Variants in SPOCK3 observed in about 807,000 individuals in gnomAD.
SPOCK3 encodes the protein testican-3.
A neutral mutation model predicts 56.6 loss-of-function variants in SPOCK3; 30 were observed. The observed-to-expected ratio is 0.53, with a 90% CI of 0.40 to 0.72. The LOEUF is 0.72. SPOCK3 is among the 30% of genes least tolerant of loss of function. SPOCK3 has a pLI of 0.00. For synonymous variants in SPOCK3, 196 were observed against 183.3 expected (o/e 1.07, Z -0.56); for missense variants, 527 against 530.0 (o/e 0.99, Z 0.06).
chr4:166,742,150 G>A (rs963090732), intron 8 of SPOCK3, 91 bp from the exon 9 acceptor site: 42 of 946,934 alleles, frequency 4.4e-5, no homozygotes, highest in Non-Finnish European at 6.9e-5. Context: ...TAGTCTTTTT[G>A]TGCCTTTGGA....
At chr4:166,974,450 T>C (rs142507193) in intron 4 of SPOCK3, among the ~76,000 whole-genome samples, 65 of 152,318 alleles carry the variant, frequency 4.3e-4, no homozygotes, top group African/African-American at 1.6e-3. Context: ...TATGTGCATA[T>C]TATTTTGCTA....
At chr4:166,870,648 A>T (rs10026881) in intron 6 of SPOCK3, among the ~76,000 whole-genome samples, 91,020 of 151,948 alleles carry the variant, frequency 0.6, 28,253 homozygotes, top group South Asian at 0.72. Flanking sequence ...AAAATTACTT[A>T]GAGCTAAATG....
Position 166,755,979 on chromosome 4 carries a change from G to A in SPOCK3, c.710-1250C>T, listed in dbSNP as rs13102042. On this transcript the variant is annotated intron_variant, in intron 7 of 10. Coordinates refer to ENST00000357545, the MANE Select transcript of SPOCK3 (RefSeq NM_001040159.2). Reference sequence around the variant, plus strand: ...TCTGCATTTCCATCTGAGGTACCGGGTTCATCTCACTAGGGAGTGCCAGAC... The same window carrying A: ...TCTGCATTTCCATCTGAGGTACCGGATTCATCTCACTAGGGAGTGCCAGAC... 8.5e-4 allele frequency among the ~76,000 whole-genome samples: 7 copies of A among 8,272 alleles called. 3 individuals carry two copies. Among genetic ancestry groups the A allele is most frequent in the African/African-American group, 3.2e-3 (7 of 2,192 alleles). 5.4% of individuals were successfully genotyped at this position (8,272 alleles called of 152,430 possible). A position where few individuals can be genotyped will look rare whatever the true frequency, so the allele number is the denominator to read the frequency against.
At chr4:167,202,097 A>G (rs1271262292) in intron 2 of SPOCK3, among the ~76,000 whole-genome samples, 1 of 151,982 alleles carries the variant, frequency 6.6e-6, no homozygotes, top group African/African-American at 2.4e-5. Flanking sequence ...GTTGTTTTAT[A>G]ATTTTAAAAC....
At chr4:166,960,360 A>G (rs1744010959) in intron 4 of SPOCK3, among the ~76,000 whole-genome samples, 1 of 152,172 alleles carries the variant, frequency 6.6e-6, no homozygotes, top group East Asian at 1.9e-4. Flanking sequence ...TGAAATATAG[A>G]AGAAGGAGAA....
rs765171569 is a variant in SPOCK3 at position 167,234,024 on chromosome 4, C to T, written c.150G>A (p.Gln50=). 1 of 1,613,954 alleles carries T rather than the reference C, an allele frequency of 6.2e-7. No individual in the cohort carries two copies. Among genetic ancestry groups the T allele is most frequent in the African/African-American group, 1.3e-5 (1 of 74,920 alleles). The part of the protein sequence containing the change: ...DDKQWLTTIS[Q]YDKEVGQWNK... ...TCCACTGTCCGACTTCCTTGTCATA[C>T]TGAGAGATTGTGGTGAGCCATTGTT... Residue 50 remains glutamine (Q), a synonymous_variant, in exon 2 of 11, where the codon CAG becomes CAA. Transcript: ENST00000357545.
chr4:166,969,661 C>A (rs1036138564), intron 4 of SPOCK3, among the ~76,000 whole-genome samples: 21 of 151,518 alleles, frequency 1.4e-4, no homozygotes, highest in Non-Finnish European at 2.7e-4. Flanking sequence ...CTGAGGTCTC[C>A]CTGCCATGCC....
chr4:167,096,571 A>C (rs1759171613), intron 2 of SPOCK3, among the ~76,000 whole-genome samples: 1 of 151,818 alleles, frequency 6.6e-6, no homozygotes. Context: ...TTTTCCAACT[A>C]ACTGTCTGTT....
At chr4:167,152,932 G>A (rs917552649) in intron 2 of SPOCK3, among the ~76,000 whole-genome samples, 7 of 152,072 alleles carry the variant, frequency 4.6e-5, no homozygotes, top group East Asian at 1.9e-4. Context: ...TAGCATGCAC[G>A]AAAGTGAACT....
chr4:167,074,267 C>T (rs1756966967), intron 2 of SPOCK3, among the ~76,000 whole-genome samples: 1 of 151,876 alleles, frequency 6.6e-6, no homozygotes, highest in Non-Finnish European at 1.5e-5. Context: ...CAGCTTAGAA[C>T]AACAGACATT....
At chr4:167,107,244 A>G (rs1168323742) in intron 2 of SPOCK3, among the ~76,000 whole-genome samples, 2 of 151,978 alleles carry the variant, frequency 1.3e-5, no homozygotes, top group African/African-American at 2.4e-5. Flanking sequence ...ATTAACACAG[A>G]AATCCTCAAC....
At chr4:166,943,264 C>T (rs1741317331) in intron 4 of SPOCK3, among the ~76,000 whole-genome samples, 1 of 152,122 alleles carries the variant, frequency 6.6e-6, no homozygotes, top group South Asian at 2.1e-4. Context: ...GTTTAATGTC[C>T]ACCTATAGGA....
intron 2 of SPOCK3, among the ~76,000 whole-genome samples, chr4:167,129,415 A>G (rs1421600354): frequency 6.6e-6 from 1 of 152,196 alleles, no homozygotes. Flanking sequence ...CTCCAGAATC[A>G]TCTATTTACT....
At position 166,944,219 on chromosome 4, in the gene SPOCK3, T is replaced by C. The variant is rs565751206; in HGVS notation, c.351-31476A>G. ...ACATTCTTCAAAACAGAGAAGTGTC[T>C]CTTTTTTTTTAACCTCAAAGGGAGG... On this transcript the variant is annotated intron_variant, in intron 4 of 10. Transcript: ENST00000357545. Among the ~76,000 whole-genome samples, 6 of 152,274 alleles carry C rather than the reference T, an allele frequency of 3.9e-5. No homozygotes were observed. In the South Asian group the frequency reaches 1.2e-3, roughly 32 times the overall value.
At chr4:167,187,285 T>TC (rs1395507049) in intron 2 of SPOCK3, among the ~76,000 whole-genome samples, 1 of 151,292 alleles carries the variant, frequency 6.6e-6, no homozygotes, top group Non-Finnish European at 1.5e-5. Context: ...TTTTTTTTTT[T>TC]CCACTCTCAA....
At position 166,958,799 on chromosome 4, in the gene SPOCK3, C is replaced by G. The variant is rs539868038; in HGVS notation, c.350+41550G>C. Among the ~76,000 whole-genome samples, 249 of 152,294 alleles carry G rather than the reference C, an allele frequency of 1.6e-3. 5 individuals are homozygous for G. Among genetic ancestry groups the G allele is most frequent in the South Asian group, 0.012 (57 of 4,832 alleles). On this transcript the variant is annotated intron_variant, in intron 4 of 10. Transcript: ENST00000357545. The stretch of plus-strand genomic sequence containing the variant: ...AGAACCTAAGGTCTGTGATGGCAAG[C>G]ATTTTGGTCTGTTTTGTTTACTACT...
intron 2 of SPOCK3, among the ~76,000 whole-genome samples, chr4:167,087,995 T>G (rs1265768901): frequency 6.6e-6 from 1 of 151,914 alleles, no homozygotes; most frequent in East Asian, 1.9e-4. Context: ...ACCAATATAC[T>G]GACACTAAGA....
At chr4:167,223,353 TTA>T (rs927461912) in intron 2 of SPOCK3, among the ~76,000 whole-genome samples, 3 of 146,284 alleles carry the variant, frequency 2.1e-5, no homozygotes, top group African/African-American at 7.5e-5. Flanking sequence ...TTTATGTATA[TTA>T]TGTTTATATA....
intron 7 of SPOCK3, among the ~76,000 whole-genome samples, chr4:166,782,392 T>C (rs1740278792): frequency 6.6e-6 from 1 of 152,146 alleles, no homozygotes; most frequent in Admixed American, 6.6e-5. Context: ...TCAACGCTGT[T>C]CTAAAAGTAC....
Sources: allele counts gnomAD v4.1 joint callset (sites outside exome capture counted in the v4.1 genomes callset), GRCh38; gene constraint gnomAD v4.1.1; transcripts MANE v1.5; gene names NCBI Gene and HGNC (gene_info 2026-07-23, HGNC 2026-07-21).